Variants in PDS5B observed in about 807,000 individuals in gnomAD.
PDS5B encodes the protein sister chromatid cohesion protein PDS5 homolog B.
A neutral mutation model predicts 184.1 loss-of-function variants in PDS5B; 51 were observed. The observed-to-expected ratio is 0.28, with a 90% CI of 0.22 to 0.35. The LOEUF is 0.35. Ranked by LOEUF, PDS5B falls within the 10% of genes least tolerant of loss-of-function variation. The pLI, the probability that PDS5B is intolerant of heterozygous loss-of-function variation, is 1.00. For missense variants in PDS5B, 1,180 were observed against 1,723.3 expected (o/e 0.68, Z 5.58); for synonymous variants, 566 against 569.2 (o/e 0.99, Z 0.08).
At position 32,770,276 on chromosome 13, in the gene PDS5B, T is replaced by C. The variant is rs369699351; in HGVS notation, c.3780T>C (p.Asp1260=). The stretch of plus-strand genomic sequence containing the variant: ...GAGGCCATACGGCTTCAGAATCTGA[T>C]GAACAGCAGTGGCCTGAGGAAAAGA... The part of the protein sequence containing the change: ...RKRGHTASES[D]EQQWPEEKRL... The change falls in exon 32 of 35, where the codon GAT becomes GAC. Residue 1260 remains aspartate (D), a synonymous_variant. Coordinates refer to ENST00000315596, the MANE Select transcript of PDS5B (RefSeq NM_015032.4). 2.5e-5 allele frequency: 40 copies of C among 1,613,488 alleles called. No individual in the cohort carries two copies. The African/African-American group carries it at 4.8e-4, about 19-fold the overall frequency.
intron 28 of PDS5B, 29 bp from the exon 29 acceptor site, chr13:32,759,599 C>G (rs1033180361): frequency 3.9e-5 from 49 of 1,269,554 alleles, no homozygotes; most frequent in Non-Finnish European, 5.0e-5. Context: ...TTAATATTCA[C>G]TGACTACTTC....
intron 21 of PDS5B, among the ~76,000 whole-genome samples, chr13:32,737,248 C>G (rs1953368030): frequency 6.6e-6 from 1 of 152,124 alleles, no homozygotes; most frequent in African/African-American, 2.4e-5. Flanking sequence ...ATCGTCAGAT[C>G]ACTTCCATCC....
At chr13:32,719,156 A>G (rs1952581345) in intron 19 of PDS5B, among the ~76,000 whole-genome samples, 1 of 152,154 alleles carries the variant, frequency 6.6e-6, no homozygotes, top group Non-Finnish European at 1.5e-5. Flanking sequence ...TGAATGAAAT[A>G]TTGATGGGTT....
intron 16 of PDS5B, among the ~76,000 whole-genome samples, chr13:32,700,780 CTGTTA>C (rs1404064677): frequency 8.6e-5 from 13 of 152,008 alleles, no homozygotes; most frequent in South Asian, 2.1e-4. Context: ...AAATCCTATT[CTGTTA>C]TAAGTCAATG....
intron 7 of PDS5B, among the ~76,000 whole-genome samples, chr13:32,670,668 G>A (rs759323315): frequency 6.6e-6 from 1 of 152,052 alleles, no homozygotes; most frequent in East Asian, 1.9e-4. Context: ...TTTCCTACAC[G>A]CATCACTTCT....
intron 1 of PDS5B, among the ~76,000 whole-genome samples, chr13:32,600,725 T>G (rs924907428): frequency 6.6e-6 from 1 of 152,140 alleles, no homozygotes; most frequent in Admixed American, 6.5e-5. Flanking sequence ...GGCAACAGAG[T>G]GAGACTTCGT....
intron 23 of PDS5B, among the ~76,000 whole-genome samples, chr13:32,745,066 T>C (rs1953695529): frequency 6.6e-6 from 1 of 152,208 alleles, no homozygotes; most frequent in Admixed American, 6.5e-5. Context: ...ATGTATTTAC[T>C]AGTCTGGAAT....
chr13:32,678,716 T>C (rs1438695533), intron 9 of PDS5B, 119 bp from the exon 10 acceptor site: 2 of 633,654 alleles, frequency 3.2e-6, no homozygotes, highest in Non-Finnish European at 5.6e-6. Flanking sequence ...GGTTCTACTT[T>C]GCATTTTCCT....
intron 30 of PDS5B, among the ~76,000 whole-genome samples, chr13:32,763,018 A>G (rs1954462107): frequency 6.6e-6 from 1 of 152,090 alleles, no homozygotes; most frequent in Admixed American, 6.5e-5. Flanking sequence ...TTTTCTTTAA[A>G]CTTTCTTTCA....
intron 21 of PDS5B, among the ~76,000 whole-genome samples, chr13:32,738,932 A>G (rs1953439469): frequency 2.6e-5 from 4 of 152,178 alleles, no homozygotes; most frequent in Admixed American, 2.6e-4. Flanking sequence ...TCAGCCTCCC[A>G]AAGTGCTGGG....
At chr13:32,733,347 G>A (rs950794797) in intron 20 of PDS5B, among the ~76,000 whole-genome samples, 3 of 152,050 alleles carry the variant, frequency 2.0e-5, no homozygotes, top group African/African-American at 7.2e-5. Flanking sequence ...CATTTTTGAG[G>A]TTCCACTAAT....
At chr13:32,652,143 ATGT>A in intron 3 of PDS5B, 136 bp downstream of exon 3, 2 of 556,562 alleles carry the variant, frequency 3.6e-6, no homozygotes, top group Admixed American at 3.6e-5. Flanking sequence ...GCTAAACTTA[ATGT>A]TTTTTTTTTT....
intron 1 of PDS5B, among the ~76,000 whole-genome samples, chr13:32,594,367 G>A (rs1434640940): frequency 2.0e-5 from 3 of 152,208 alleles, no homozygotes; most frequent in Non-Finnish European, 2.9e-5. Context: ...ACTGTGCAAG[G>A]ATGTGGTGCA....
intron 13 of PDS5B, among the ~76,000 whole-genome samples, chr13:32,693,339 A>T (rs1951607651): frequency 6.6e-6 from 1 of 151,970 alleles, no homozygotes; most frequent in Admixed American, 6.6e-5. Flanking sequence ...ACTATAAAGG[A>T]ATTCAGGTGT....
chr13:32,759,944 CA>C (rs1954315433), intron 29 of PDS5B, among the ~76,000 whole-genome samples: 1 of 151,072 alleles, frequency 6.6e-6, no homozygotes, highest in South Asian at 2.1e-4. Flanking sequence ...AGGTTAATAT[CA>C]AGATAAAAAA....
chr13:32,656,273 CTTTTTTT>C (rs71071057), intron 3 of PDS5B, among the ~76,000 whole-genome samples: 280 of 96,802 alleles, frequency 2.9e-3, no homozygotes, highest in African/African-American at 0.011. Flanking sequence ...TCTCCAGCTT[CTTTTTTT>C]TTTTTTTTTT....
chr13:32,768,802 A>T (rs1215273145), intron 31 of PDS5B, among the ~76,000 whole-genome samples: 3 of 53,682 alleles, frequency 5.6e-5, no homozygotes, highest in South Asian at 3.9e-4. Flanking sequence ...CAAAAAAAAA[A>T]AAAAGAAAAA....
intron 17 of PDS5B, among the ~76,000 whole-genome samples, chr13:32,703,216 A>G (rs966125163): frequency 2.0e-5 from 3 of 152,220 alleles, no homozygotes; most frequent in African/African-American, 7.2e-5. Flanking sequence ...CTCAGATTGT[A>G]TAGAAAGAAG....
rs766935471 is a variant in PDS5B at position 32,770,360 on chromosome 13, T to G, written c.3864T>G (p.Gly1288=). The G allele has an allele frequency of 1.9e-5, 30 of 1,604,478 alleles. No homozygotes were observed. The East Asian group carries it at 6.5e-4, about 35-fold the overall frequency. The change falls in exon 32 of 35, where the codon GGT becomes GGG. Residue 1288 remains glycine (G), a synonymous_variant. Coordinates refer to ENST00000315596, the MANE Select transcript of PDS5B (RefSeq NM_015032.4). ...EDEQNSPPKK[G]KRGRPPKPLG... ...AACAGAATAGTCCGCCAAAAAAGGG[T>G]AAAAGAGGCCGACCACCAAAACCTC... is the stretch of plus-strand genomic sequence containing the variant.
Sources: gnomAD v4.1 joint callset for allele counts (sites outside exome capture counted in the v4.1 genomes callset) on GRCh38, gnomAD v4.1.1 for gene constraint, MANE v1.5 for transcripts, NCBI Gene and HGNC (gene_info 2026-07-23, HGNC 2026-07-21) for gene names.